Variants in DNAH12 observed in about 807,000 individuals in gnomAD.
DNAH12 encodes the protein dynein axonemal heavy chain 12, also known as axonemal beta dynein heavy chain 12.
A neutral mutation model predicts 371.5 loss-of-function variants in DNAH12; 285 were observed. That is an observed-to-expected ratio of 0.77 (90% confidence interval 0.70 to 0.85). The LOEUF is 0.85. Among genes scored for constraint, DNAH12 ranks in the 40% least tolerant of loss-of-function variants. The probability of loss-of-function intolerance (pLI) is 0.00; values close to 1 mark genes in which losing one functional copy is unlikely to be tolerated. For missense variants in DNAH12, 3,611 were observed against 3,689.4 expected (o/e 0.98, Z 0.55); for synonymous variants, 1,200 against 1,213.0 (o/e 0.99, Z 0.22).
At chr3:57,519,235 G>A (rs898395253) in intron 4 of DNAH12, among the ~76,000 whole-genome samples, 8 of 152,158 alleles carry the variant, frequency 5.3e-5, no homozygotes, top group African/African-American at 1.9e-4. Context: ...CTTTTTGGGA[G>A]GAGGGGGTTT....
chr3:57,470,366 C>CAAAAAA (rs35152693), intron 16 of DNAH12, 77 bp downstream of exon 16: 4 of 1,227,104 alleles, frequency 3.3e-6, no homozygotes, highest in Non-Finnish European at 3.3e-6. Context: ...AACACTTAAC[C>CAAAAAA]AAAAAAAAAA....
intron 11 of DNAH12, among the ~76,000 whole-genome samples, chr3:57,499,647 A>AAATATATAT (rs1451248906): frequency 2.2e-4 from 4 of 17,946 alleles, no homozygotes; most frequent in Non-Finnish European, 3.6e-4. Context: ...AAAAAAAAAA[A>AAATATATAT]ATATATATAT....
In DNAH12 at chr3:57,375,906, A is replaced by G. The variant is rs2063271734; in HGVS notation, c.8525T>C (p.Leu2842Ser). ...GTAAGCTATTACTCCTGCTGATACTAAGACATCGCCAGTTAAATTTTCATA... is the reference window on the plus strand; with the variant it reads ...GTAAGCTATTACTCCTGCTGATACTGAGACATCGCCAGTTAAATTTTCATA... ...ITYENLTGDV[L>S]VSAGVIAYLG... Residue 2842 changes from leucine to serine, a missense_variant, in exon 54 of 74, where the codon TTA becomes TCA. This residue lies in a region of DNAH12 where 2,266 missense variants were observed against 2,236.9 expected (regional missense o/e 1.01). Transcript: ENST00000495027. 1 of 152,174 alleles carries G rather than the reference A, an allele frequency of 6.6e-6. No individual in the cohort carries two copies. The highest frequency in any genetic ancestry group is 2.4e-5 in the African/African-American group (1 of 41,464). The allele number at this position is 152,174 out of a possible 1,614,324, so 9.4% of individuals were successfully genotyped here.
chr3:57,519,896 C>T, intron 4 of DNAH12: 1 of 915,614 alleles, frequency 1.1e-6, no homozygotes, highest in South Asian at 1.3e-5. Flanking sequence ...CTCCACATGG[C>T]CACCACGTTC....
rs1426212309 is a variant in DNAH12 at position 57,357,352 on chromosome 3, G to A, written c.9361-4C>T. 3.3e-5 allele frequency: 5 copies of A among 152,074 alleles called. No homozygotes were observed. In the South Asian group the frequency reaches 8.3e-4, roughly 25 times the overall value. 9.4% of individuals were successfully genotyped at this position (152,074 alleles called of 1,614,324 possible). A position where few individuals can be genotyped will look rare whatever the true frequency, so the allele number is the denominator to read the frequency against. ...TGAGTTCTGTTTTTTCTGCAATCTA[G>A]GAGAACAGAAAAAGCGAGATTAAGA... On this transcript the variant is annotated splice_polypyrimidine_tract_variant and splice_region_variant and intron_variant, in intron 58 of 73. Transcript: ENST00000495027.
chr3:57,297,516 TG>T (rs1396167402), intron 70 of DNAH12, among the ~76,000 whole-genome samples: 1 of 152,006 alleles, frequency 6.6e-6, no homozygotes, highest in Non-Finnish European at 1.5e-5. Context: ...CCACCATGCC[TG>T]GCTAGTTTTT....
intron 36 of DNAH12, among the ~76,000 whole-genome samples, chr3:57,420,808 C>T (rs2064549795): frequency 6.8e-6 from 1 of 147,706 alleles, no homozygotes; most frequent in Admixed American, 6.9e-5. Context: ...ACTCGGGAGG[C>T]TGAGGCAGGA....
At chr3:57,381,873 A>AT (rs1194851604) in intron 50 of DNAH12, among the ~76,000 whole-genome samples, 2,499 of 129,764 alleles carry the variant, frequency 0.019, 35 homozygotes, top group East Asian at 0.047. Context: ...CCATATATAT[A>AT]TATTTTTTTT....
chr3:57,525,753 A>AT (rs1553720003), intron 2 of DNAH12, among the ~76,000 whole-genome samples: 2 of 62,840 alleles, frequency 3.2e-5, no homozygotes, highest in Non-Finnish European at 6.4e-5. Context: ...AGTATGTCTT[A>AT]TTCTTTTTTT....
chr3:57,525,735 T>C (rs2068622742), intron 2 of DNAH12, among the ~76,000 whole-genome samples: 1 of 148,570 alleles, frequency 6.7e-6, no homozygotes, highest in Non-Finnish European at 1.5e-5. Context: ...CCTGTCATGC[T>C]AGCAAATAGT....
intron 60 of DNAH12, among the ~76,000 whole-genome samples, chr3:57,339,392 AAAAAG>A (rs1350037587): frequency 3.9e-5 from 6 of 151,926 alleles, no homozygotes; most frequent in East Asian, 3.9e-4. Context: ...AAAAAAAAAA[AAAAAG>A]AAAGAAAGTT....
intron 66 of DNAH12, among the ~76,000 whole-genome samples, chr3:57,312,258 T>G (rs2061597190): frequency 6.6e-6 from 1 of 152,180 alleles, no homozygotes; most frequent in Admixed American, 6.5e-5. Context: ...AGAGGGAAGG[T>G]CGTCGTTTTG....
intron 37 of DNAH12, among the ~76,000 whole-genome samples, chr3:57,416,591 A>T (rs1046967373): frequency 6.6e-6 from 1 of 152,204 alleles, no homozygotes; most frequent in African/African-American, 2.4e-5. Context: ...GGATGACAAT[A>T]AGACAGCTAG....
chr3:57,322,780 A>C lies in DNAH12; in HGVS notation c.10383+227T>G, dbSNP rs548720235. ...CCCCATTTCTACTAAAAATACAAAA[A>C]TTAGCCGAGCATGGTGGTATGCGCC... On this transcript the variant is annotated intron_variant, in intron 64 of 73. Transcript: ENST00000495027. Among the ~76,000 whole-genome samples, 125 of 152,182 alleles carry C rather than the reference A, an allele frequency of 8.2e-4. 2 individuals are homozygous for C. Among genetic ancestry groups the C allele is most frequent in the African/African-American group, 2.9e-3 (121 of 41,524 alleles).
intron 2 of DNAH12, among the ~76,000 whole-genome samples, chr3:57,539,080 C>A (rs1240685753): frequency 6.6e-6 from 1 of 152,174 alleles, no homozygotes; most frequent in African/African-American, 2.4e-5. Flanking sequence ...CTGTCTCCAG[C>A]CTTATCCAAA....
At chr3:57,524,190 T>C in intron 2 of DNAH12, among the ~76,000 whole-genome samples, 1 of 152,188 alleles carries the variant, frequency 6.6e-6, no homozygotes, top group East Asian at 1.9e-4. Context: ...TGTTCAAATG[T>C]CTGCCGGTCT....
At chr3:57,457,466 C>T (rs1447179578) in intron 22 of DNAH12, among the ~76,000 whole-genome samples, 1 of 152,154 alleles carries the variant, frequency 6.6e-6, no homozygotes, top group Non-Finnish European at 1.5e-5. Flanking sequence ...TAGCCTATCA[C>T]TGGACCTTCC....
In DNAH12 at chr3:57,314,539, A is replaced by ATATGGAATATTC; in HGVS notation, c.10605_10616dup (p.Pro3538_Tyr3539insTer). The ATATGGAATATTC allele has an allele frequency of 6.4e-7, 1 of 1,551,310 alleles. No individual in the cohort carries two copies. Among genetic ancestry groups the ATATGGAATATTC allele is most frequent in the African/African-American group, 1.4e-5 (1 of 73,148 alleles). ...TGCGCAAGTCAGATTCATTAAATCC[A>ATATGGAATATTC]TATGGAATATTCCAACCAAGAGGAC... is the stretch of plus-strand genomic sequence containing the variant. On this transcript the variant is annotated stop_gained, in exon 66 of 74. Transcript: ENST00000495027. LOFTEE classifies it high-confidence loss of function.
In DNAH12 at chr3:57,411,815, A is replaced by G. The variant is rs114073219; in HGVS notation, c.6020+1931T>C. 6.2e-3 allele frequency among the ~76,000 whole-genome samples: 942 copies of G among 152,238 alleles called. 6 individuals are homozygous for G. Among genetic ancestry groups the G allele is most frequent in the Non-Finnish European group, 0.01 (687 of 68,006 alleles). ...TAAATCCCAGCAAGTTATTTTTTGG[A>G]TATTGAGAAACTGATTCTGAAGTTG... On this transcript the variant is annotated intron_variant, in intron 39 of 73. Coordinates refer to ENST00000495027, the MANE Select transcript of DNAH12 (RefSeq NM_001366028.2).
Sources: allele counts gnomAD v4.1 joint callset (sites outside exome capture counted in the v4.1 genomes callset), GRCh38; gene constraint gnomAD v4.1.1; regional missense constraint gnomAD v4.1.1; transcripts MANE v1.5; gene names NCBI Gene and HGNC (gene_info 2026-07-23, HGNC 2026-07-21).